Variants in ZCCHC14 observed in about 807,000 individuals in gnomAD.
The protein encoded by ZCCHC14 is zinc finger CCHC domain-containing protein 14.
ZCCHC14 carries 16 observed loss-of-function variants against 85.0 expected under a neutral mutation model. The ratio of observed to expected loss-of-function variants is 0.19; its 90% confidence interval spans 0.13 to 0.29. The LOEUF (loss-of-function observed/expected upper bound fraction) is 0.29, where lower values mean the gene tolerates loss of function less well. ZCCHC14 is among the 10% of genes least tolerant of loss of function. ZCCHC14 has a pLI of 1.00. For missense variants in ZCCHC14, 1,303 were observed against 1,443.5 expected (o/e 0.90, Z 1.58); for synonymous variants, 775 against 630.7 (o/e 1.23, Z -3.43).
intron 2 of ZCCHC14, among the ~76,000 whole-genome samples, chr16:87,435,323 C>G (rs1471500607): frequency 1.3e-5 from 2 of 152,222 alleles, no homozygotes; most frequent in African/African-American, 4.8e-5. Context: ...GCTGAGGGTT[C>G]TGCAGCCATG....
intron 2 of ZCCHC14, among the ~76,000 whole-genome samples, chr16:87,449,680 T>C (rs572258080): frequency 6.6e-6 from 1 of 152,220 alleles, no homozygotes; most frequent in South Asian, 2.1e-4. Context: ...ACTTCAACAA[T>C]TTACAAAATT....
In ZCCHC14 at chr16:87,491,160, G is replaced by C. The variant is rs561941175; in HGVS notation, c.570+509C>G. On this transcript the variant is annotated intron_variant, in intron 1 of 12. Coordinates refer to ENST00000671377, the MANE Select transcript of ZCCHC14 (RefSeq NM_015144.3). This position sits in a 1 kb window ranked among gnomAD's most constrained non-coding sequence, Gnocchi z 5.9. ...GCGTTTGCAGCCGGCTAAGTGAAAG[G>C]AGGGCACCTGGGACTGTGAGCTCTG... Among the ~76,000 whole-genome samples, 65 of 152,384 alleles carry C rather than the reference G, an allele frequency of 4.3e-4. No individual in the cohort carries two copies. The highest frequency in any genetic ancestry group is 1.4e-3 in the African/African-American group (58 of 41,600).
chr16:87,419,739 T>G (rs756863220), intron 6 of ZCCHC14, 44 bp downstream of exon 6: 50 of 1,497,252 alleles, frequency 3.3e-5, no homozygotes, highest in African/African-American at 1.6e-4. Context: ...CCCAGCTGTT[T>G]TTTTTTTTTT....
intron 2 of ZCCHC14, among the ~76,000 whole-genome samples, chr16:87,449,497 C>A (rs1910594322): frequency 6.6e-6 from 1 of 152,176 alleles, no homozygotes; most frequent in South Asian, 2.1e-4. Context: ...CAGCGACAGA[C>A]CCCGACCAAT....
At chr16:87,431,472 G>GA (rs537437083) in intron 3 of ZCCHC14, among the ~76,000 whole-genome samples, 2,199 of 76,338 alleles carry the variant, frequency 0.029, 27 homozygotes, top group African/African-American at 0.046. Flanking sequence ...GGCTCTGTCT[G>GA]AAAAAAAAAA....
In ZCCHC14 at chr16:87,439,749, T is replaced by C. The variant is rs151146766; in HGVS notation, c.695-6548A>G. 2.0e-5 allele frequency among the ~76,000 whole-genome samples: 3 copies of C among 152,284 alleles called. No homozygotes were observed. In the East Asian group the frequency reaches 5.8e-4, roughly 29 times the overall value. ...CATACATTTTAAACAAACAAGATCTTAGAGGATGATTAAAATGTTACAAAG... is the reference window on the plus strand; with the variant it reads ...CATACATTTTAAACAAACAAGATCTCAGAGGATGATTAAAATGTTACAAAG... On this transcript the variant is annotated intron_variant, in intron 2 of 12. Coordinates refer to ENST00000671377, the MANE Select transcript of ZCCHC14 (RefSeq NM_015144.3).
At chr16:87,451,610 C>T (rs902329654) in intron 2 of ZCCHC14, among the ~76,000 whole-genome samples, 1 of 152,176 alleles carries the variant, frequency 6.6e-6, no homozygotes, top group South Asian at 2.1e-4. Context: ...ACGTTCTAAG[C>T]GCAGCGCCAG....
In ZCCHC14 at chr16:87,412,126, G is replaced by A; in HGVS notation, c.2595C>T (p.Ala865=). The change falls in exon 12 of 13, where the codon GCC becomes GCT. Residue 865 remains alanine (A), a synonymous_variant. Transcript: ENST00000671377. ...ANMATLPSCP[A]PSSSPALSSV... ...AGGACAGCGCCGGGCTGGAGCTGGG[G>A]GCTGGGCAGCTGGGCAACGTGGCCA... is the stretch of plus-strand genomic sequence containing the variant. 6.2e-7 allele frequency: 1 copy of A among 1,613,798 alleles called. No individual in the cohort carries two copies. Among genetic ancestry groups the A allele is most frequent in the Non-Finnish European group, 8.5e-7 (1 of 1,180,040 alleles).
intron 2 of ZCCHC14, among the ~76,000 whole-genome samples, chr16:87,438,210 G>C (rs1046249876): frequency 8.5e-5 from 13 of 152,394 alleles, no homozygotes; most frequent in Non-Finnish European, 1.6e-4. Flanking sequence ...CTGCACAGGA[G>C]GAATGCACGC....
At chr16:87,445,350 C>T (rs1386066576) in intron 2 of ZCCHC14, among the ~76,000 whole-genome samples, 1 of 152,180 alleles carries the variant, frequency 6.6e-6, no homozygotes, top group Non-Finnish European at 1.5e-5. Flanking sequence ...CAGGCGTGAG[C>T]CACTGCACCT....
intron 1 of ZCCHC14, among the ~76,000 whole-genome samples, chr16:87,485,486 TCCAAAA>T (rs930247547): frequency 7.4e-5 from 11 of 149,184 alleles, no homozygotes; most frequent in African/African-American, 2.7e-4. Context: ...AAGACTAAAG[TCCAAAA>T]CCAAAAGCCC....
In ZCCHC14 at chr16:87,492,321, G is replaced by T; in HGVS notation, c.-83C>A. ...GGGCGCCGGGGGCCGCGGCCGGGGC[G>T]CGCCGGGACCGGGGACGCGCGGGCC... is the stretch of plus-strand genomic sequence containing the variant. On this transcript the variant is annotated 5_prime_UTR_variant, in exon 1 of 13. Coordinates refer to ENST00000671377, the MANE Select transcript of ZCCHC14 (RefSeq NM_015144.3). This position sits in a 1 kb window ranked among gnomAD's most constrained non-coding sequence, Gnocchi z 6.7. 1 of 661,000 alleles carries T rather than the reference G, an allele frequency of 1.5e-6. No individual in the cohort carries two copies. Among genetic ancestry groups the T allele is most frequent in the Non-Finnish European group, 1.9e-6 (1 of 538,116 alleles). 40.9% of individuals were successfully genotyped at this position (661,000 alleles called of 1,614,324 possible).
chr16:87,428,928 C>A (rs1182059900), intron 3 of ZCCHC14, among the ~76,000 whole-genome samples: 1 of 152,242 alleles, frequency 6.6e-6, no homozygotes, highest in Non-Finnish European at 1.5e-5. Flanking sequence ...GTGGACATAA[C>A]ACCAGGGTTG....
chr16:87,431,033 G>C (rs986915317), intron 3 of ZCCHC14, among the ~76,000 whole-genome samples: 1 of 151,904 alleles, frequency 6.6e-6, no homozygotes, highest in South Asian at 2.1e-4. Flanking sequence ...CCAGCTACTA[G>C]GAGGCTAAGG....
chr16:87,447,869 C>T (rs141206774), intron 2 of ZCCHC14, among the ~76,000 whole-genome samples: 1 of 152,334 alleles, frequency 6.6e-6, no homozygotes, highest in African/African-American at 2.4e-5. Flanking sequence ...GCTATTCTGT[C>T]CTTCTGACTT....
intron 1 of ZCCHC14, among the ~76,000 whole-genome samples, chr16:87,465,495 G>A (rs368901978): frequency 5.3e-5 from 8 of 152,178 alleles, no homozygotes; most frequent in African/African-American, 1.7e-4. Context: ...GGGCACACCC[G>A]CCCCTGGGGC....
intron 2 of ZCCHC14, among the ~76,000 whole-genome samples, chr16:87,455,862 GC>G (rs1181998820): frequency 2.0e-5 from 3 of 152,180 alleles, no homozygotes; most frequent in African/African-American, 7.2e-5. Flanking sequence ...TATGAAGTGG[GC>G]TGTGTGTTAG....
chr16:87,437,052 T>C (rs1909958679), intron 2 of ZCCHC14, among the ~76,000 whole-genome samples: 1 of 151,958 alleles, frequency 6.6e-6, no homozygotes, highest in Non-Finnish European at 1.5e-5. Context: ...CCTAGATAAA[T>C]TCAGGGGCGG....
At chr16:87,463,631 C>T (rs889444502) in intron 1 of ZCCHC14, among the ~76,000 whole-genome samples, 21 of 152,104 alleles carry the variant, frequency 1.4e-4, no homozygotes, top group Admixed American at 5.9e-4. Flanking sequence ...CCAGCCTGGC[C>T]AACATGGTGA....
Sources: allele counts gnomAD v4.1 joint callset (sites outside exome capture counted in the v4.1 genomes callset), GRCh38; gene constraint gnomAD v4.1.1; non-coding constraint Gnocchi (gnomAD v3.1); transcripts MANE v1.5; gene names NCBI Gene and HGNC (gene_info 2026-07-23, HGNC 2026-07-21).